The following MTMR8 variants were observed in gnomAD, a reference collection of about 807,000 sequenced individuals.
MTMR8 encodes phosphatidylinositol-3,5-bisphosphate 3-phosphatase MTMR8.
MTMR8 carries 65 observed loss-of-function variants against 39.3 expected under a neutral mutation model. The observed-to-expected ratio is 1.65, with a 90% CI of 1.35 to 2.03. The LOEUF (loss-of-function observed/expected upper bound fraction) is 2.03. MTMR8 is among the 30% of genes most tolerant of loss of function. The pLI is 0.00. For synonymous variants in MTMR8, 245 were observed against 185.2 expected, an observed-to-expected ratio of 1.32 and a Z score of -2.62; for missense variants, 777 against 538.9, an observed-to-expected ratio of 1.44 and a Z score of -4.37.
intron 1 of MTMR8, among the ~76,000 whole-genome samples, chrX:64,370,179 A>T (rs1411417305): frequency 3.6e-5 from 4 of 111,020 alleles, no homozygotes; most frequent in Non-Finnish European, 7.5e-5. Flanking sequence ...AGGTTAGAAA[A>T]ATAGAACAAA....
chrX:64,302,221 C>G (rs915906618), intron 12 of MTMR8, among the ~76,000 whole-genome samples: 5 of 112,581 alleles, frequency 4.4e-5, no homozygotes, highest in Non-Finnish European at 7.5e-5. Flanking sequence ...CAGCGAGATT[C>G]CGCGGGCGTA....
At chrX:64,312,639 C>T (rs1922348525) in intron 12 of MTMR8, among the ~76,000 whole-genome samples, 1 of 112,319 alleles carries the variant, frequency 8.9e-6, no homozygotes, top group Admixed American at 9.5e-5. Flanking sequence ...TGAATTGTTC[C>T]CAGAAATTTA....
At chrX:64,291,775 T>C (rs1041525806) in intron 12 of MTMR8, among the ~76,000 whole-genome samples, 9 of 111,787 alleles carry the variant, frequency 8.1e-5, no homozygotes, top group African/African-American at 2.9e-4. Flanking sequence ...GGCATTCTTC[T>C]GTACTGAATT....
chrX:64,331,333 C>T (rs1922933354), intron 11 of MTMR8: 1 of 403,342 alleles, frequency 2.5e-6, no homozygotes, highest in East Asian at 4.2e-5. Context: ...CTCATGACTG[C>T]TCTAAAAAGT....
Position 64,356,341 on chromosome X carries a change from G to A in MTMR8, c.148-3C>T, listed in dbSNP as rs1216881486. 1 of 1,195,930 alleles carries A rather than the reference G, an allele frequency of 8.4e-7. No homozygotes were observed. Among genetic ancestry groups the A allele is most frequent in the African/African-American group, 1.8e-5 (1 of 56,095 alleles). On this transcript the variant is annotated splice_polypyrimidine_tract_variant and splice_region_variant and intron_variant, in intron 2 of 13. Coordinates refer to ENST00000374852, the MANE Select transcript of MTMR8 (RefSeq NM_017677.4). The stretch of plus-strand genomic sequence containing the variant: ...GTGGCAATGTGATGGAGTGCAATCT[G>A]AAAAACATAAAAGAACCAGCGTAAA...
At chrX:64,363,784 G>A (rs1252253789) in intron 1 of MTMR8, among the ~76,000 whole-genome samples, 1 of 111,515 alleles carries the variant, frequency 9.0e-6, no homozygotes, top group African/African-American at 3.3e-5. Context: ...GCAGGGTGGG[G>A]CATCGCCTAA....
intron 8 of MTMR8, among the ~76,000 whole-genome samples, chrX:64,339,204 C>T (rs942662826): frequency 1.8e-5 from 2 of 110,703 alleles, no homozygotes; most frequent in Admixed American, 1.9e-4. Context: ...AAAGAAAAGA[C>T]CTTAAAAAGC....
chrX:64,306,088 C>A (rs1176717320), intron 12 of MTMR8: 1 of 210,420 alleles, frequency 4.8e-6, no homozygotes, highest in Non-Finnish European at 9.4e-6. Flanking sequence ...TGCATTCCAG[C>A]CTGGGTGAGC....
chrX:64,354,496 G>A (rs775468760), intron 4 of MTMR8, among the ~76,000 whole-genome samples: 1 of 111,177 alleles, frequency 9.0e-6, no homozygotes, highest in African/African-American at 3.3e-5. Flanking sequence ...GCCTTCACAA[G>A]GCTACTCTGC....
chrX:64,354,681 T>A, intron 4 of MTMR8, 96 bp downstream of exon 4: 1 of 864,579 alleles, frequency 1.2e-6, no homozygotes, highest in East Asian at 3.2e-5. Flanking sequence ...AGAGAGAGAT[T>A]ATGAGTCATT....
chrX:64,358,100 G>C (rs1923675072), intron 2 of MTMR8, among the ~76,000 whole-genome samples: 2 of 111,914 alleles, frequency 1.8e-5, no homozygotes, highest in Non-Finnish European at 3.8e-5. Context: ...AGGTAGATAG[G>C]AGATAGGCTT....
chrX:64,344,416 C>A (rs759343180), intron 7 of MTMR8, among the ~76,000 whole-genome samples: 2 of 111,153 alleles, frequency 1.8e-5, no homozygotes, highest in Non-Finnish European at 3.8e-5. Context: ...GGGGAGTTCA[C>A]TAAAGAAGGC....
chrX:64,293,678 T>C (rs1346786263), intron 12 of MTMR8, among the ~76,000 whole-genome samples: 1 of 111,332 alleles, frequency 9.0e-6, no homozygotes, highest in African/African-American at 3.3e-5. Context: ...AGTTTGGCTC[T>C]ACAACATTGG....
chrX:64,269,158 C>T, intron 13 of MTMR8, 115 bp from the exon 14 acceptor site: 3 of 745,514 alleles, frequency 4.0e-6, no homozygotes, highest in Non-Finnish European at 5.8e-6. Context: ...TAGCAAATGA[C>T]CTTTTGCTCA....
intron 1 of MTMR8, among the ~76,000 whole-genome samples, chrX:64,386,571 C>T (rs1360781359): frequency 8.9e-6 from 1 of 111,920 alleles, no homozygotes; most frequent in African/African-American, 3.2e-5. Flanking sequence ...CCCCTACCAC[C>T]ACGGAAAATA....
intron 5 of MTMR8, 72 bp downstream of exon 5, chrX:64,349,870 G>A (rs1923441922): frequency 3.2e-6 from 3 of 923,973 alleles, no homozygotes; most frequent in African/African-American, 4.0e-5. Flanking sequence ...GCTACTAAGT[G>A]GCAGCATGAA....
chrX:64,301,826 T>C (rs1921889378), intron 12 of MTMR8, among the ~76,000 whole-genome samples: 1 of 111,859 alleles, frequency 8.9e-6, no homozygotes, highest in East Asian at 2.8e-4. Flanking sequence ...TACCCTGCCG[T>C]GTGAGGTGTC....
At position 64,268,513 on chromosome X, in the gene MTMR8, T is replaced by C; in HGVS notation, c.*24A>G. 1 of 1,185,575 alleles carries C rather than the reference T, an allele frequency of 8.4e-7. No individual in the cohort carries two copies. Among genetic ancestry groups the C allele is most frequent in the Non-Finnish European group, 1.1e-6 (1 of 883,295 alleles). On this transcript the variant is annotated 3_prime_UTR_variant, in exon 14 of 14. Transcript: ENST00000374852. The stretch of plus-strand genomic sequence containing the variant: ...TCATTGTAGCTGCTGTAGGTATACC[T>C]AGCATGGAAGATGAGTAACTAACTC...
intron 12 of MTMR8, among the ~76,000 whole-genome samples, chrX:64,314,334 T>G (rs1410681617): frequency 1.8e-5 from 2 of 112,870 alleles, no homozygotes; most frequent in African/African-American, 6.4e-5. Flanking sequence ...GGTGCCAGCA[T>G]GCCTGCCTCC....
Sources: allele counts gnomAD v4.1 joint callset (sites outside exome capture counted in the v4.1 genomes callset), GRCh38; gene constraint gnomAD v4.1.1; transcripts MANE v1.5; gene names NCBI Gene and HGNC (gene_info 2026-07-23, HGNC 2026-07-21).